Variants in EIF2D observed in about 807,000 individuals in gnomAD.
The protein encoded by EIF2D is hepatocellular carcinoma-associated antigen 56.
Under a neutral mutation model 77.4 loss-of-function variants are expected in EIF2D, and 56 were observed. The observed-to-expected ratio is 0.72, with a 90% CI of 0.58 to 0.90. The LOEUF (loss-of-function observed/expected upper bound fraction) is 0.90, where lower values mean the gene tolerates loss of function less well. EIF2D is among the 40% of genes least tolerant of loss of function. The pLI is 0.00. For synonymous variants in EIF2D, 230 were observed against 271.0 expected, an observed-to-expected ratio of 0.85 and a Z score of 1.49; for missense variants, 574 against 706.5, an observed-to-expected ratio of 0.81 and a Z score of 2.13.
At chr1:206,574,694 G>A (rs1049840056) in intron 4 of EIF2D, among the ~76,000 whole-genome samples, 8 of 152,102 alleles carry the variant, frequency 5.3e-5, no homozygotes, top group Non-Finnish European at 4.4e-5. Flanking sequence ...CAGTGCCATA[G>A]AGGGACCTGT....
At chr1:206,602,237 C>G (rs1308763452) in intron 7 of EIF2D, 99 bp downstream of exon 7, 1 of 875,296 alleles carries the variant, frequency 1.1e-6, no homozygotes, top group Non-Finnish European at 1.9e-6. Context: ...CAGCATGTCC[C>G]TCAACCAGTC....
intron 4 of EIF2D, among the ~76,000 whole-genome samples, chr1:206,605,910 G>A (rs903099543): frequency 1.3e-5 from 2 of 152,084 alleles, no homozygotes; most frequent in African/African-American, 2.4e-5. Context: ...TAAAGGGGAG[G>A]CAATTCATAT....
chr1:206,585,413 C>T, intron 2 of EIF2D: 6 of 760,538 alleles, frequency 7.9e-6, no homozygotes, highest in South Asian at 7.4e-5. Context: ...AGGAAGGTGA[C>T]TGTTGAGAGA....
chr1:206,585,168 CT>C (rs1572374664), intron 2 of EIF2D: 19 of 1,605,204 alleles, frequency 1.2e-5, no homozygotes, highest in Middle Eastern at 3.3e-4. Context: ...AGCACCCTCT[CT>C]TGGTTTGCAG....
chr1:206,593,502 A>C (rs1469060767), intron 14 of EIF2D, 117 bp downstream of exon 14: 3 of 428,072 alleles, frequency 7.0e-6, no homozygotes, highest in Non-Finnish European at 1.1e-5. Flanking sequence ...AGAGAGAGAG[A>C]GAGAGAGTGT....
chr1:206,603,108 G>A lies in EIF2D; in HGVS notation c.627C>T (p.Ser209=). Reference sequence around the variant, plus strand: ...TGTGCCTCATGTCTCCCTGCAGGGTGGAGTCCATCTGGACAGACCCCTTCT... The same window carrying A: ...TGTGCCTCATGTCTCCCTGCAGGGTAGAGTCCATCTGGACAGACCCCTTCT... ...SEEKGSVQMD[S]TLQGDMRHMT... The change falls in exon 6 of 15, where the codon TCC becomes TCT. Residue 209 remains serine, a synonymous_variant. Transcript: ENST00000271764. The A allele has an allele frequency of 1.9e-6, 3 of 1,614,142 alleles. No individual in the cohort carries two copies. The highest frequency in any genetic ancestry group is 2.5e-6 in the Non-Finnish European group (3 of 1,180,026).
chr1:206,591,913 TC>T, intron 14 of EIF2D, 68 bp from the exon 15 acceptor site: 1 of 1,495,672 alleles, frequency 6.7e-7, no homozygotes. Flanking sequence ...CCTCCACCAG[TC>T]CCCGTTGCCT....
Position 206,592,460 on chromosome 1 carries a change from C to T in EIF2D, c.1685-615G>A, listed in dbSNP as rs80117048. Among the ~76,000 whole-genome samples, 61 of 152,254 alleles carry T rather than the reference C, an allele frequency of 4.0e-4. No individual in the cohort carries two copies. In the East Asian group the frequency reaches 0.011, roughly 27 times the overall value. ...GCCTCTGAGGTCAGGTGGGCTTGGG[C>T]GTGGGAGGGCATCTTAGGCAAGGGG... On this transcript the variant is annotated intron_variant, in intron 14 of 14. Transcript: ENST00000271764. This position sits in a 1 kb window ranked among gnomAD's most constrained non-coding sequence, Gnocchi z 4.7.
Position 206,609,465 on chromosome 1 carries a change from C to CA in EIF2D, c.248-7dup. 6.2e-7 allele frequency: 1 copy of CA among 1,609,096 alleles called. No homozygotes were observed. Among genetic ancestry groups the CA allele is most frequent in the Non-Finnish European group, 8.5e-7 (1 of 1,178,206 alleles). ...ATAGGACCACAGCGTGTACACTGTA[C>CA]AAAAAGAGATCCAGAAAACACTACT... On this transcript the variant is annotated splice_region_variant and splice_polypyrimidine_tract_variant and intron_variant, in intron 2 of 14. Transcript: ENST00000271764.
At chr1:206,583,747 T>C (rs1026502523) in intron 2 of EIF2D, 3 of 244,362 alleles carry the variant, frequency 1.2e-5, no homozygotes, top group Non-Finnish European at 1.6e-5. Flanking sequence ...ACCCCTTCGA[T>C]TGTGAGAGAG....
At chr1:206,602,802 G>A (rs944326855) in intron 6 of EIF2D, 149 bp downstream of exon 6, 4 of 1,162,640 alleles carry the variant, frequency 3.4e-6, no homozygotes, top group Non-Finnish European at 4.8e-6. Context: ...AGATGTGAAA[G>A]GGCTGCTGCG....
intron 2 of EIF2D, chr1:206,583,211 TC>T: frequency 1.7e-6 from 2 of 1,172,934 alleles, no homozygotes; most frequent in South Asian, 2.4e-5. Flanking sequence ...GCGTGGTTGT[TC>T]CCTTTCTCAC....
At chr1:206,598,275 C>G (rs1669746477) in intron 11 of EIF2D, among the ~76,000 whole-genome samples, 2 of 152,094 alleles carry the variant, frequency 1.3e-5, no homozygotes, top group South Asian at 4.2e-4. Flanking sequence ...TGGCCTCAAG[C>G]AATCCTCCCA....
At chr1:206,576,783 A>G (rs1458574640) in intron 4 of EIF2D, among the ~76,000 whole-genome samples, 1 of 152,178 alleles carries the variant, frequency 6.6e-6, no homozygotes, top group Non-Finnish European at 1.5e-5. Flanking sequence ...ACTACTGCAC[A>G]TGGCCAGGTT....
At position 206,599,600 on chromosome 1, in the gene EIF2D, G is replaced by A. The variant is rs114245341; in HGVS notation, c.1065C>T (p.Phe355=). The A allele has an allele frequency of 5.6e-6, 9 of 1,598,496 alleles. No homozygotes were observed. Among genetic ancestry groups the A allele is most frequent in the Non-Finnish European group, 7.7e-6 (9 of 1,172,444 alleles). The change falls in exon 10 of 15, where the codon TTC becomes TTT. Residue 355 remains phenylalanine, a synonymous_variant. Coordinates refer to ENST00000271764, the MANE Select transcript of EIF2D (RefSeq NM_006893.3). The surrounding 1 kb of genome is among the most constrained non-coding windows in gnomAD (Gnocchi z 4.1). ...AGGTCGGGGAGGGCTCGGGTATGAC[G>A]AAAGATGTAATCCTAAAACCCAGCA... ...VDWKHPRITS[F]VIPEPSPTSQ...
intron 2 of EIF2D, chr1:206,586,502 T>G (rs1431159967): frequency 4.0e-6 from 1 of 248,584 alleles, no homozygotes; most frequent in Non-Finnish European, 7.9e-6. Context: ...AGGGTCTGCA[T>G]GTTGGGAGGC....
At chr1:206,581,054 A>T (rs190501448) in exon 3 of EIF2D, 99 of 152,296 alleles carry the variant, frequency 6.5e-4, no homozygotes, top group African/African-American at 2.2e-3. Flanking sequence ...CTACATGGTG[A>T]ATTGAGAAGA....
Position 206,593,723 on chromosome 1 carries a change from C to T in EIF2D, c.1580G>A (p.Arg527Gln), listed in dbSNP as rs781921108. 18 of 1,613,672 alleles carry T rather than the reference C, an allele frequency of 1.1e-5. No individual in the cohort carries two copies. Among genetic ancestry groups the T allele is most frequent in the East Asian group, 1.1e-4 (5 of 44,886 alleles). Residue 527 changes from arginine (R) to glutamine (Q), a missense_variant, in exon 14 of 15, where the codon CGA (arginine) becomes CAA (glutamine). Physicochemically the swap from Arg to Gln is conservative, Grantham distance 43. Transcript: ENST00000271764. ...ATTGACGGTGGTGCTAGCCTGGCATCGCTGCTGAAGGATGGCAGCCACTGA... is the reference window on the plus strand; with the variant it reads ...ATTGACGGTGGTGCTAGCCTGGCATTGCTGCTGAAGGATGGCAGCCACTGA... ...PYSVAAILQQ[R>Q]CQASTTVNPA...
At chr1:206,573,873 A>G (rs1668541116) in intron 4 of EIF2D, among the ~76,000 whole-genome samples, 1 of 152,234 alleles carries the variant, frequency 6.6e-6, no homozygotes, top group Admixed American at 6.5e-5. Context: ...TCGGAGTCTT[A>G]GTGAGGTGGA....
Sources: gnomAD v4.1 joint callset for allele counts (sites outside exome capture counted in the v4.1 genomes callset) on GRCh38, gnomAD v4.1.1 for gene constraint, Gnocchi (gnomAD v3.1) non-coding constraint, MANE v1.5 for transcripts, NCBI Gene and HGNC (gene_info 2026-07-23, HGNC 2026-07-21) for gene names.